ST6GALNAC5: variants seen among roughly 807,000 people sequenced by gnomAD.
ST6GALNAC5 encodes the protein ST6 N-acetylgalactosaminide alpha-2,6-sialyltransferase 5, also known as alpha-N-acetylgalactosaminide alpha-2,6-sialyltransferase 5.
Under a neutral mutation model 33.6 loss-of-function variants are expected in ST6GALNAC5, and 27 were observed. That is an observed-to-expected ratio of 0.80 (90% CI 0.59 to 1.11). The LOEUF (loss-of-function observed/expected upper bound fraction) is 1.11, where lower values mean the gene tolerates loss of function less well. Ranked by LOEUF, ST6GALNAC5 falls within the 50% of genes least tolerant of loss-of-function variation. The pLI, the probability that ST6GALNAC5 is intolerant of heterozygous loss-of-function variation, is 0.00. For synonymous variants in ST6GALNAC5, 194 were observed against 171.2 expected, an observed-to-expected ratio of 1.13 and a Z score of -1.04; for missense variants, 428 against 454.0, an observed-to-expected ratio of 0.94 and a Z score of 0.52.
chr1:76,894,269 T>A (rs772121230), intron 2 of ST6GALNAC5, among the ~76,000 whole-genome samples: 1 of 152,210 alleles, frequency 6.6e-6, no homozygotes, highest in Non-Finnish European at 1.5e-5. Flanking sequence ...TGGAGCTGCA[T>A]GAATTGAGAT....
At chr1:76,903,884 G>A (rs138660267) in intron 2 of ST6GALNAC5, among the ~76,000 whole-genome samples, 1 of 152,242 alleles carries the variant, frequency 6.6e-6, no homozygotes, top group Non-Finnish European at 1.5e-5. Flanking sequence ...CAAACAGAAA[G>A]TAGATTAGTG....
At chr1:76,904,810 G>A (rs1257893665) in intron 2 of ST6GALNAC5, among the ~76,000 whole-genome samples, 2 of 151,582 alleles carry the variant, frequency 1.3e-5, no homozygotes, top group African/African-American at 4.9e-5. Flanking sequence ...GGGCAACAGA[G>A]TGAGACTGTC....
At chr1:76,889,156 C>A (rs183929125) in intron 2 of ST6GALNAC5, among the ~76,000 whole-genome samples, 112 of 152,154 alleles carry the variant, frequency 7.4e-4, no homozygotes, top group African/African-American at 2.6e-3. Context: ...TAATTAATAT[C>A]TTTATCCTCT....
chr1:77,027,337 G>T (rs1331734354), intron 2 of ST6GALNAC5, among the ~76,000 whole-genome samples: 1 of 152,136 alleles, frequency 6.6e-6, no homozygotes, highest in Non-Finnish European at 1.5e-5. Context: ...CTTTCCCATT[G>T]GCCTCTTCCA....
At chr1:77,043,151 C>G (rs559320452) in intron 2 of ST6GALNAC5, among the ~76,000 whole-genome samples, 11 of 152,336 alleles carry the variant, frequency 7.2e-5, no homozygotes, top group Admixed American at 6.5e-4. Flanking sequence ...CGCATAGACT[C>G]TGGAAAAAAT....
intron 2 of ST6GALNAC5, among the ~76,000 whole-genome samples, chr1:76,960,093 C>T (rs1439793080): frequency 1.3e-5 from 2 of 152,104 alleles, no homozygotes; most frequent in African/African-American, 4.8e-5. Flanking sequence ...GGTATATTCA[C>T]CAGTAGCTAT....
intron 2 of ST6GALNAC5, among the ~76,000 whole-genome samples, chr1:76,924,457 C>G (rs941256018): frequency 2.0e-5 from 3 of 152,112 alleles, no homozygotes; most frequent in African/African-American, 7.2e-5. Context: ...ATAGATCAAA[C>G]TTTGTGTCTA....
At chr1:76,873,083 C>T (rs768660870) in intron 2 of ST6GALNAC5, among the ~76,000 whole-genome samples, 2 of 152,196 alleles carry the variant, frequency 1.3e-5, no homozygotes, top group Non-Finnish European at 2.9e-5. Context: ...TGACCAGGCT[C>T]ACTCTTAAAT....
rs561485336 is a variant in ST6GALNAC5 at position 76,878,361 on chromosome 1, C to A, written c.261+9619C>A. On this transcript the variant is annotated intron_variant, in intron 2 of 4. Coordinates refer to ENST00000477717, the MANE Select transcript of ST6GALNAC5 (RefSeq NM_030965.3). ...AATGTCTACAGGATGAGTCTGGGGA[C>A]CCACCAGACCCACTGTAAGTCAGAC... Among the ~76,000 whole-genome samples the A allele has an allele frequency of 2.6e-5, 4 of 152,218 alleles. No individual in the cohort carries two copies. The East Asian group carries it at 7.7e-4, about 29-fold the overall frequency.
intron 2 of ST6GALNAC5, among the ~76,000 whole-genome samples, chr1:76,908,659 C>G (rs1646885649): frequency 6.6e-6 from 1 of 152,122 alleles, no homozygotes; most frequent in Non-Finnish European, 1.5e-5. Context: ...TGCCTGTGTG[C>G]TTCCCTAGCA....
chr1:76,875,335 A>G (rs2100915019), intron 2 of ST6GALNAC5, among the ~76,000 whole-genome samples: 1 of 152,150 alleles, frequency 6.6e-6, no homozygotes, highest in East Asian at 1.9e-4. Context: ...GTAATTTCCC[A>G]TTGACTTTAA....
At chr1:76,896,097 G>T (rs563847522) in intron 2 of ST6GALNAC5, among the ~76,000 whole-genome samples, 2 of 152,278 alleles carry the variant, frequency 1.3e-5, no homozygotes, top group South Asian at 4.1e-4. Flanking sequence ...TGGCTGATTT[G>T]ACTAATAAAG....
intron 2 of ST6GALNAC5, among the ~76,000 whole-genome samples, chr1:77,026,419 G>C (rs1227913762): frequency 6.6e-6 from 1 of 152,158 alleles, no homozygotes; most frequent in Non-Finnish European, 1.5e-5. Context: ...CATCCTGGCT[G>C]GTCAGTCTTT....
chr1:76,999,522 G>A (rs1650061991), intron 2 of ST6GALNAC5, among the ~76,000 whole-genome samples: 1 of 151,256 alleles, frequency 6.6e-6, no homozygotes, highest in Admixed American at 6.6e-5. Context: ...TAAGTTTTAG[G>A]GTACATGTGC....
At chr1:76,987,389 A>C (rs186813427) in intron 2 of ST6GALNAC5, among the ~76,000 whole-genome samples, 2 of 152,288 alleles carry the variant, frequency 1.3e-5, no homozygotes, top group Admixed American at 1.3e-4. Flanking sequence ...TCACAGTGAG[A>C]TATCATTTGA....
At chr1:76,959,566 T>A (rs1648146565) in intron 2 of ST6GALNAC5, among the ~76,000 whole-genome samples, 1 of 152,222 alleles carries the variant, frequency 6.6e-6, no homozygotes, top group East Asian at 1.9e-4. Flanking sequence ...GGTGGATGCT[T>A]GCTGAAGCGC....
At chr1:76,879,362 G>A (rs1653725032) in intron 2 of ST6GALNAC5, among the ~76,000 whole-genome samples, 1 of 152,062 alleles carries the variant, frequency 6.6e-6, no homozygotes, top group South Asian at 2.1e-4. Flanking sequence ...AGCAGAGTGG[G>A]CCCAAATCAA....
chr1:76,985,682 A>G (rs910281365), intron 2 of ST6GALNAC5, among the ~76,000 whole-genome samples: 5 of 152,230 alleles, frequency 3.3e-5, no homozygotes, highest in Non-Finnish European at 5.9e-5. Context: ...GAAGCAAAAA[A>G]GAGCCCGCAT....
chr1:77,051,284 C>T (rs776699724), intron 4 of ST6GALNAC5, among the ~76,000 whole-genome samples: 15 of 152,238 alleles, frequency 9.9e-5, no homozygotes, highest in Non-Finnish European at 2.1e-4. Flanking sequence ...ATCCCATTAA[C>T]ATTTTACCAC....
Sources: gnomAD v4.1 joint callset for allele counts (sites outside exome capture counted in the v4.1 genomes callset) on GRCh38, gnomAD v4.1.1 for gene constraint, MANE v1.5 for transcripts, NCBI Gene and HGNC (gene_info 2026-07-23, HGNC 2026-07-21) for gene names.